The following DLGAP2 variants were observed in gnomAD, a reference collection of about 807,000 sequenced individuals.
The protein encoded by DLGAP2 is disks large-associated protein 2.
A neutral mutation model predicts 100.3 loss-of-function variants in DLGAP2; 26 were observed. The observed-to-expected ratio is 0.26, with a 90% confidence interval of 0.19 to 0.36. The LOEUF (loss-of-function observed/expected upper bound fraction) is 0.36. Among genes scored for constraint, DLGAP2 ranks in the 10% least tolerant of loss-of-function variants. The pLI, the probability that DLGAP2 is intolerant of heterozygous loss-of-function variation, is 1.00. For synonymous variants in DLGAP2, 886 were observed against 630.1 expected, an observed-to-expected ratio of 1.41 and a Z score of -6.08; for missense variants, 1,858 against 1,453.2, an observed-to-expected ratio of 1.28 and a Z score of -4.53.
chr8:1,314,435 A>T (rs1563077225), intron 3 of DLGAP2, among the ~76,000 whole-genome samples: 1 of 152,202 alleles, frequency 6.6e-6, no homozygotes, highest in South Asian at 2.1e-4. Flanking sequence ...AACTCCATTA[A>T]ATTAATTACA....
chr8:1,686,048 G>A (rs137978048), intron 12 of DLGAP2, among the ~76,000 whole-genome samples: 38 of 152,308 alleles, frequency 2.5e-4, no homozygotes, highest in African/African-American at 8.7e-4. Flanking sequence ...ACCACCATGT[G>A]ATCCAGTCAT....
At chr8:767,104 G>A (rs150032263) in intron 1 of DLGAP2, among the ~76,000 whole-genome samples, 659 of 152,256 alleles carry the variant, frequency 4.3e-3, no homozygotes, top group Non-Finnish European at 5.8e-3. Context: ...TCCCCGGGGT[G>A]CATCTCCTCT....
At chr8:1,683,384 C>A (rs966804125) in intron 12 of DLGAP2, among the ~76,000 whole-genome samples, 1 of 151,460 alleles carries the variant, frequency 6.6e-6, no homozygotes, top group African/African-American at 2.4e-5. Context: ...GGAGGAAGAT[C>A]TTCATGTCAG....
At chr8:1,584,719 G>C in intron 6 of DLGAP2, among the ~76,000 whole-genome samples, 1 of 152,258 alleles carries the variant, frequency 6.6e-6, no homozygotes. Flanking sequence ...GCTCCTGGGG[G>C]TCTCTGCCCA....
intron 1 of DLGAP2, among the ~76,000 whole-genome samples, chr8:854,127 T>C (rs1310805713): frequency 6.6e-6 from 1 of 152,138 alleles, no homozygotes; most frequent in Non-Finnish European, 1.5e-5. Context: ...TCCCGTTTCT[T>C]GTATGTCACC....
intron 1 of DLGAP2, among the ~76,000 whole-genome samples, chr8:849,062 T>A (rs1341927370): frequency 6.6e-6 from 1 of 151,956 alleles, no homozygotes; most frequent in Non-Finnish European, 1.5e-5. Context: ...ATGTGCCGTG[T>A]CTGTTCCAGT....
intron 2 of DLGAP2, among the ~76,000 whole-genome samples, chr8:1,135,744 T>C (rs1283104837): frequency 1.3e-5 from 2 of 152,148 alleles, no homozygotes; most frequent in Non-Finnish European, 2.9e-5. Flanking sequence ...AGCTTACCGA[T>C]GCAGAGGATG....
chr8:1,009,983 C>G (rs1365611062), intron 2 of DLGAP2, among the ~76,000 whole-genome samples: 9 of 152,206 alleles, frequency 5.9e-5, no homozygotes, highest in African/African-American at 1.4e-4. Context: ...CACAACTTAT[C>G]TTTCTGAAGA....
intron 1 of DLGAP2, among the ~76,000 whole-genome samples, chr8:777,384 C>A (rs1000094186): frequency 2.6e-5 from 4 of 151,244 alleles, no homozygotes; most frequent in Admixed American, 2.6e-4. Context: ...TGAATTTGAT[C>A]CTGTCATCAT....
At chr8:1,328,723 C>A (rs537835817) in intron 3 of DLGAP2, among the ~76,000 whole-genome samples, 1 of 152,310 alleles carries the variant, frequency 6.6e-6, no homozygotes, top group South Asian at 2.1e-4. Flanking sequence ...AAAGACAGAA[C>A]AACAACCACA....
chr8:1,226,455 A>T (rs1433279517), intron 2 of DLGAP2, among the ~76,000 whole-genome samples: 2 of 152,108 alleles, frequency 1.3e-5, no homozygotes, highest in African/African-American at 4.8e-5. Flanking sequence ...GGAGAACAAC[A>T]CACACAGGGG....
chr8:1,597,901 C>G (rs1796509082), intron 6 of DLGAP2, among the ~76,000 whole-genome samples: 1 of 152,166 alleles, frequency 6.6e-6, no homozygotes, highest in Admixed American at 6.5e-5. Flanking sequence ...ACATCCATCA[C>G]TATGTTGAAT....
chr8:1,233,186 G>T (rs1023232748), intron 2 of DLGAP2, among the ~76,000 whole-genome samples: 1 of 152,186 alleles, frequency 6.6e-6, no homozygotes, highest in Non-Finnish European at 1.5e-5. Flanking sequence ...GTATTTATCT[G>T]TTTGTCACTC....
At chr8:1,242,586 C>G (rs1466577606) in intron 2 of DLGAP2, among the ~76,000 whole-genome samples, 1 of 152,224 alleles carries the variant, frequency 6.6e-6, no homozygotes, top group African/African-American at 2.4e-5. Context: ...CCCACCCTCG[C>G]CTGAGCCCTC....
chr8:988,709 C>T (rs1800559847), intron 2 of DLGAP2, among the ~76,000 whole-genome samples: 1 of 152,196 alleles, frequency 6.6e-6, no homozygotes, highest in Non-Finnish European at 1.5e-5. Flanking sequence ...CCTGCCTGCC[C>T]TGTCCACCTG....
intron 8 of DLGAP2, among the ~76,000 whole-genome samples, chr8:1,646,963 G>A (rs1397818488): frequency 1.3e-5 from 2 of 152,208 alleles, no homozygotes; most frequent in East Asian, 1.9e-4. Flanking sequence ...AGGGCACAGG[G>A]CAGAGGCAGA....
chr8:1,514,915 C>A lies in DLGAP2; in HGVS notation c.172+13484C>A, dbSNP rs1218772648. On this transcript the variant is annotated intron_variant, in intron 4 of 14. Coordinates refer to ENST00000637795, the MANE Select transcript of DLGAP2 (RefSeq NM_001346810.2). ...AAAGCCAGCCCCACGAGGGGAAGAG[C>A]CCCTACAAGAGCACAGCCAGCGGGC... Among the ~76,000 whole-genome samples the A allele has an allele frequency of 2.6e-5, 4 of 152,304 alleles. No individual in the cohort carries two copies. In the East Asian group the frequency reaches 7.7e-4, roughly 29 times the overall value.
At chr8:1,248,795 G>A (rs1018133719) in intron 2 of DLGAP2, 1 of 152,636 alleles carries the variant, frequency 6.6e-6, no homozygotes, top group African/African-American at 2.4e-5. Flanking sequence ...AGAGGCTTCT[G>A]GGTCCGGACT....
intron 2 of DLGAP2, among the ~76,000 whole-genome samples, chr8:929,871 T>A (rs1798916048): frequency 6.6e-6 from 1 of 151,756 alleles, no homozygotes; most frequent in African/African-American, 2.4e-5. Context: ...GACACATTAG[T>A]GCAGGATGGA....
Sources: gnomAD v4.1 joint callset for allele counts (sites outside exome capture counted in the v4.1 genomes callset) on GRCh38, gnomAD v4.1.1 for gene constraint, MANE v1.5 for transcripts, NCBI Gene and HGNC (gene_info 2026-07-23, HGNC 2026-07-21) for gene names.